The following NKAIN2 variants were observed in gnomAD, a reference collection of about 807,000 sequenced individuals.
The protein encoded by NKAIN2 is sodium/potassium transporting ATPase interacting 2, also known as sodium/potassium-transporting ATPase subunit beta-1-interacting protein 2.
A neutral mutation model predicts 32.6 loss-of-function variants in NKAIN2; 14 were observed. The observed-to-expected ratio is 0.43, with a 90% CI of 0.28 to 0.67. The LOEUF is 0.67. NKAIN2 is among the 30% of genes least tolerant of loss of function. The probability of loss-of-function intolerance (pLI) is 0.17; values close to 1 mark genes in which losing one functional copy is unlikely to be tolerated. For missense variants in NKAIN2, 198 were observed against 258.3 expected (o/e 0.77, Z 1.60); for synonymous variants, 80 against 87.2 (o/e 0.92, Z 0.46).
intron 1 of NKAIN2, among the ~76,000 whole-genome samples, chr6:123,940,564 G>T (rs235682): frequency 0.084 from 12,791 of 152,010 alleles, 1,703 homozygotes; most frequent in African/African-American, 0.28. Context: ...AGCCTGTATA[G>T]CATGTTACTA....
intron 3 of NKAIN2, among the ~76,000 whole-genome samples, chr6:124,543,282 A>G (rs761041724): frequency 9.9e-5 from 15 of 152,228 alleles, no homozygotes; most frequent in Non-Finnish European, 2.2e-4. Flanking sequence ...TTATACAACT[A>G]ATCCTTCCAC....
At chr6:124,226,227 G>C (rs566707772) in intron 1 of NKAIN2, among the ~76,000 whole-genome samples, 167 of 152,088 alleles carry the variant, frequency 1.1e-3, no homozygotes, top group Non-Finnish European at 1.9e-3. Flanking sequence ...GAGCTCGATA[G>C]TTGACAGTCT....
At chr6:124,459,240 T>C (rs986369468) in intron 3 of NKAIN2, among the ~76,000 whole-genome samples, 2 of 151,882 alleles carry the variant, frequency 1.3e-5, no homozygotes, top group Non-Finnish European at 2.9e-5. Context: ...AAGTCCTATG[T>C]TGGCAATTTC....
At chr6:124,402,159 C>A (rs62436285) in intron 3 of NKAIN2, among the ~76,000 whole-genome samples, 3,671 of 152,098 alleles carry the variant, frequency 0.024, 98 homozygotes, top group Non-Finnish European at 0.034. Context: ...AGGACAGCCC[C>A]CACCCCACCA....
intron 3 of NKAIN2, among the ~76,000 whole-genome samples, chr6:124,581,235 C>T (rs1397064089): frequency 6.6e-6 from 1 of 151,528 alleles, no homozygotes; most frequent in Admixed American, 6.6e-5. Context: ...GTCACGAGAT[C>T]GAGACCATCC....
At chr6:123,806,543 A>G (rs1299563234) in intron 1 of NKAIN2, among the ~76,000 whole-genome samples, 1 of 152,096 alleles carries the variant, frequency 6.6e-6, no homozygotes. Flanking sequence ...ACTAAAAAAT[A>G]GGTGGGTGTG....
chr6:124,671,150 G>A (rs1408775505), intron 4 of NKAIN2, among the ~76,000 whole-genome samples: 2 of 152,036 alleles, frequency 1.3e-5, no homozygotes, highest in Non-Finnish European at 2.9e-5. Flanking sequence ...AGAAGAGAGG[G>A]AGGAGAAGGT....
At chr6:124,537,153 A>G (rs1779746727) in intron 3 of NKAIN2, among the ~76,000 whole-genome samples, 1 of 152,156 alleles carries the variant, frequency 6.6e-6, no homozygotes, top group African/African-American at 2.4e-5. Flanking sequence ...CATGAACTCT[A>G]TGAGCTCACA....
At chr6:124,360,956 C>T (rs1799262332) in intron 3 of NKAIN2, among the ~76,000 whole-genome samples, 1 of 152,114 alleles carries the variant, frequency 6.6e-6, no homozygotes, top group Admixed American at 6.6e-5. Context: ...GACAATTCCT[C>T]ATATAGCTTC....
intron 1 of NKAIN2, among the ~76,000 whole-genome samples, chr6:124,038,810 C>CT: frequency 6.6e-6 from 1 of 152,030 alleles, no homozygotes; most frequent in Non-Finnish European, 1.5e-5. Context: ...AACTTGGCAC[C>CT]TTTGTTAGTA....
chr6:124,589,817 T>C (rs892385203), intron 3 of NKAIN2, among the ~76,000 whole-genome samples: 1 of 152,106 alleles, frequency 6.6e-6, no homozygotes, highest in Non-Finnish European at 1.5e-5. Context: ...CTTAATGCTC[T>C]CCCTCCTTTT....
chr6:124,195,288 A>G (rs1459880910), intron 1 of NKAIN2, among the ~76,000 whole-genome samples: 1 of 150,254 alleles, frequency 6.7e-6, no homozygotes, highest in African/African-American at 2.4e-5. Context: ...TTTCCATAGA[A>G]TGTATTTATT....
rs371519257 is a variant in NKAIN2 at position 124,752,904 on chromosome 6, A to T, written c.475-38435A>T. Among the ~76,000 whole-genome samples the T allele has an allele frequency of 2.0e-5, 3 of 152,134 alleles. No individual in the cohort carries two copies. The East Asian group carries it at 5.8e-4, about 29-fold the overall frequency. On this transcript the variant is annotated intron_variant, in intron 4 of 6. Coordinates refer to ENST00000368417, the MANE Select transcript of NKAIN2 (RefSeq NM_001040214.3). ...ATTTCAAATGCCTCATAGACTACAC[A>T]TCAACAAAAGGAACAAAAGAAATCC...
intron 1 of NKAIN2, among the ~76,000 whole-genome samples, chr6:124,146,476 T>C (rs967599665): frequency 2.6e-5 from 4 of 152,118 alleles, no homozygotes; most frequent in African/African-American, 9.7e-5. Flanking sequence ...TTGAAACAAT[T>C]ACTTTAGAAA....
chr6:124,159,640 G>C (rs1189873112), intron 1 of NKAIN2, among the ~76,000 whole-genome samples: 1 of 152,102 alleles, frequency 6.6e-6, no homozygotes, highest in Non-Finnish European at 1.5e-5. Context: ...TAAAGACAAA[G>C]AAAACTAAAT....
At chr6:124,597,216 C>A (rs1354627585) in intron 3 of NKAIN2, among the ~76,000 whole-genome samples, 1 of 152,088 alleles carries the variant, frequency 6.6e-6, no homozygotes, top group Non-Finnish European at 1.5e-5. Flanking sequence ...ATCATTGCAC[C>A]ATCCCAATAT....
At chr6:123,838,784 A>G (rs1774736731) in intron 1 of NKAIN2, among the ~76,000 whole-genome samples, 1 of 152,166 alleles carries the variant, frequency 6.6e-6, no homozygotes, top group Non-Finnish European at 1.5e-5. Context: ...TGCCATTTAA[A>G]CGTGCATTTG....
chr6:124,188,656 A>G (rs1340694279), intron 1 of NKAIN2, among the ~76,000 whole-genome samples: 2 of 152,190 alleles, frequency 1.3e-5, no homozygotes, highest in Non-Finnish European at 2.9e-5. Context: ...TTTCCTAAAT[A>G]GCAGTTTTTA....
intron 1 of NKAIN2, among the ~76,000 whole-genome samples, chr6:123,862,763 A>G (rs1775834835): frequency 6.6e-6 from 1 of 152,138 alleles, no homozygotes; most frequent in Non-Finnish European, 1.5e-5. Flanking sequence ...CGCACACAGC[A>G]TTGTTTTACA....
Sources: gnomAD v4.1 joint callset for allele counts (sites outside exome capture counted in the v4.1 genomes callset) on GRCh38, gnomAD v4.1.1 for gene constraint, MANE v1.5 for transcripts, NCBI Gene and HGNC (gene_info 2026-07-23, HGNC 2026-07-21) for gene names.